NEGR1: variants seen among roughly 807,000 people sequenced by gnomAD.
The protein encoded by NEGR1 is neuronal growth regulator 1, also known as IgLON family member 4.
Under a neutral mutation model 40.9 loss-of-function variants are expected in NEGR1, and 10 were observed. The observed-to-expected ratio is 0.24, with a 90% CI of 0.15 to 0.42. The LOEUF (loss-of-function observed/expected upper bound fraction) is 0.42, where lower values mean the gene tolerates loss of function less well. Ranked by LOEUF, NEGR1 falls within the 10% of genes least tolerant of loss-of-function variation. NEGR1 has a pLI of 1.00. For synonymous variants in NEGR1, 185 were observed against 166.8 expected, an observed-to-expected ratio of 1.11 and a Z score of -0.84; for missense variants, 352 against 438.9, an observed-to-expected ratio of 0.80 and a Z score of 1.77.
At chr1:72,011,888 CAG>C (rs1646660332) in intron 1 of NEGR1, among the ~76,000 whole-genome samples, 1 of 151,964 alleles carries the variant, frequency 6.6e-6, no homozygotes, top group Admixed American at 6.6e-5. Context: ...TAAGTGATGA[CAG>C]AGCATTAAGT....
chr1:71,888,366 T>A (rs1278871433), intron 2 of NEGR1, among the ~76,000 whole-genome samples: 1 of 152,054 alleles, frequency 6.6e-6, no homozygotes, highest in African/African-American at 2.4e-5. Flanking sequence ...GCGCCCACCG[T>A]GCGCGAGCCT....
At chr1:71,587,983 C>T (rs986083417) in intron 6 of NEGR1, among the ~76,000 whole-genome samples, 2 of 152,034 alleles carry the variant, frequency 1.3e-5, no homozygotes, top group Non-Finnish European at 2.9e-5. Flanking sequence ...TTCTATTTCC[C>T]TTTAGATGGC....
chr1:71,487,059 C>T (rs917140178), intron 6 of NEGR1: 1 of 151,400 alleles, frequency 6.6e-6, no homozygotes, highest in Non-Finnish European at 1.5e-5. Flanking sequence ...GAGAAAGAGA[C>T]ACAATACATA....
At chr1:72,167,391 A>G (rs922562389) in intron 1 of NEGR1, among the ~76,000 whole-genome samples, 26 of 152,170 alleles carry the variant, frequency 1.7e-4, no homozygotes, top group East Asian at 5.8e-4. Context: ...TAAATAACTG[A>G]ATTATAAGTG....
chr1:71,782,123 C>T (rs906071525), intron 2 of NEGR1, among the ~76,000 whole-genome samples: 5 of 152,034 alleles, frequency 3.3e-5, no homozygotes, highest in Admixed American at 2.6e-4. Context: ...TCTTAACCCC[C>T]GAGGTGATAC....
rs1471892568 is a variant in NEGR1, at chr1:71,397,794, C to G, written c.*9652G>C. 1 of 152,184 alleles carries G rather than the reference C, an allele frequency of 6.6e-6. No homozygotes were observed. Among genetic ancestry groups the G allele is most frequent in the Non-Finnish European group, 1.5e-5 (1 of 68,050 alleles). 9.4% of individuals were successfully genotyped at this position (152,184 alleles called of 1,614,324 possible). On this transcript the variant is annotated 3_prime_UTR_variant, in exon 7 of 7. Coordinates refer to ENST00000357731, the MANE Select transcript of NEGR1 (RefSeq NM_173808.3). ...CACCAAGACAGTGGGGAATATGTCTCCAGGGCACGTCAGAGACCTTTGCAG... is the reference window on the plus strand; with the variant it reads ...CACCAAGACAGTGGGGAATATGTCTGCAGGGCACGTCAGAGACCTTTGCAG...
chr1:71,887,776 C>G (rs1170564518), intron 2 of NEGR1, among the ~76,000 whole-genome samples: 1 of 152,080 alleles, frequency 6.6e-6, no homozygotes, highest in Non-Finnish European at 1.5e-5. Context: ...GTTTCTCACC[C>G]CCAATTTTTG....
At chr1:71,674,466 A>G (rs1195500208) in intron 4 of NEGR1, among the ~76,000 whole-genome samples, 1 of 152,160 alleles carries the variant, frequency 6.6e-6, no homozygotes, top group Non-Finnish European at 1.5e-5. Flanking sequence ...GATGGCATAT[A>G]TTTTGTTGCC....
intron 1 of NEGR1, among the ~76,000 whole-genome samples, chr1:71,968,552 G>A (rs563995429): frequency 1.3e-5 from 2 of 152,134 alleles, no homozygotes; most frequent in East Asian, 1.9e-4. Context: ...TTTAAAGGGG[G>A]AATAATATTT....
chr1:71,645,283 A>G (rs1050028887), intron 4 of NEGR1, among the ~76,000 whole-genome samples: 1 of 152,052 alleles, frequency 6.6e-6, no homozygotes, highest in Non-Finnish European at 1.5e-5. Context: ...CATAGTACTC[A>G]CTGATATTTG....
intron 1 of NEGR1, among the ~76,000 whole-genome samples, chr1:71,956,691 C>T (rs1346629085): frequency 6.6e-6 from 1 of 151,916 alleles, no homozygotes; most frequent in Non-Finnish European, 1.5e-5. Flanking sequence ...TCTATTTTAC[C>T]TTCTGTGAAT....
intron 1 of NEGR1, among the ~76,000 whole-genome samples, chr1:72,040,908 A>G (rs1646947880): frequency 1.3e-5 from 2 of 151,966 alleles, no homozygotes; most frequent in African/African-American, 4.8e-5. Flanking sequence ...ACCAAAAACT[A>G]TGAGTTAAGG....
intron 1 of NEGR1, among the ~76,000 whole-genome samples, chr1:72,158,897 T>C (rs1189937129): frequency 6.6e-6 from 1 of 152,192 alleles, no homozygotes; most frequent in African/African-American, 2.4e-5. Flanking sequence ...ATTAACATTT[T>C]GTAAGAAGAA....
chr1:72,041,895 ATT>A (rs397941589), intron 1 of NEGR1, among the ~76,000 whole-genome samples: 2 of 144,744 alleles, frequency 1.4e-5, no homozygotes, highest in Admixed American at 7.0e-5. Context: ...ATAAATATAT[ATT>A]TGAGTTTCAA....
At chr1:72,177,770 GTT>G (rs34239145) in intron 1 of NEGR1, among the ~76,000 whole-genome samples, 195 of 141,630 alleles carry the variant, frequency 1.4e-3, no homozygotes, top group African/African-American at 3.9e-3. Context: ...TTTTGTTTTT[GTT>G]TTTTTTTTTT....
At chr1:71,483,596 C>G (rs920919061) in intron 6 of NEGR1, among the ~76,000 whole-genome samples, 1 of 151,720 alleles carries the variant, frequency 6.6e-6, no homozygotes, top group Non-Finnish European at 1.5e-5. Flanking sequence ...ATATGTGGCT[C>G]ATAGGTTTTA....
intron 1 of NEGR1, among the ~76,000 whole-genome samples, chr1:72,015,438 G>A (rs1646700925): frequency 6.6e-6 from 1 of 151,948 alleles, no homozygotes; most frequent in African/African-American, 2.4e-5. Flanking sequence ...AATTATTGTG[G>A]AGACTAACAG....
intron 2 of NEGR1, among the ~76,000 whole-genome samples, chr1:71,809,764 G>A (rs919488030): frequency 5.3e-5 from 8 of 151,932 alleles, no homozygotes; most frequent in African/African-American, 7.3e-5. Flanking sequence ...ATGTGTGCGC[G>A]CACATACACG....
At chr1:72,226,379 C>G (rs1414781383) in intron 1 of NEGR1, among the ~76,000 whole-genome samples, 1 of 151,934 alleles carries the variant, frequency 6.6e-6, no homozygotes, top group Non-Finnish European at 1.5e-5. Flanking sequence ...ATATGTGTGC[C>G]ATCTTTGTTT....
Sources: gnomAD v4.1 joint callset for allele counts (sites outside exome capture counted in the v4.1 genomes callset) on GRCh38, gnomAD v4.1.1 for gene constraint, MANE v1.5 for transcripts, NCBI Gene and HGNC (gene_info 2026-07-23, HGNC 2026-07-21) for gene names.